Variants in MAP2 observed in about 807,000 individuals in gnomAD.
MAP2 encodes microtubule-associated protein 2.
Under a neutral mutation model 137.6 loss-of-function variants are expected in MAP2, and 14 were observed. The observed-to-expected ratio is 0.10, with a 90% confidence interval of 0.07 to 0.16. The LOEUF (loss-of-function observed/expected upper bound fraction) is 0.16, where lower values mean the gene tolerates loss of function less well. Ranked by LOEUF, MAP2 falls within the 10% of genes least tolerant of loss-of-function variation. The pLI, the probability that MAP2 is intolerant of heterozygous loss-of-function variation, is 1.00. For missense variants in MAP2, 2,088 were observed against 2,191.5 expected, an observed-to-expected ratio of 0.95 and a Z score of 0.94; for synonymous variants, 786 against 782.3, an observed-to-expected ratio of 1.00 and a Z score of -0.08.
rs114931532 is a variant in MAP2 at position 209,582,424 on chromosome 2, G to A, written c.-107+2324G>A. Among the ~76,000 whole-genome samples the A allele has an allele frequency of 1.8e-3, 273 of 152,128 alleles. 1 individual carries two copies. The highest frequency in any genetic ancestry group is 6.1e-3 in the African/African-American group (252 of 41,510). ...TGTCCCCTTTCACTTTCATCAGCTG[G>A]GGGAAATATGCCAAACTGCAGCCTG... On this transcript the variant is annotated intron_variant, in intron 3 of 15. Transcript: ENST00000682079.
intron 5 of MAP2, among the ~76,000 whole-genome samples, chr2:209,658,994 A>G (rs548448282): frequency 2.0e-4 from 31 of 152,310 alleles, no homozygotes; most frequent in Admixed American, 6.5e-4. Context: ...CCATGAGGAT[A>G]TCTGTCATTA....
At chr2:209,586,057 G>A (rs12475254) in intron 3 of MAP2, among the ~76,000 whole-genome samples, 35,000 of 151,996 alleles carry the variant, frequency 0.23, 4,997 homozygotes, top group Admixed American at 0.36. Context: ...TAGTCAAATC[G>A]TGGAGACACA....
rs751339884 is a variant in MAP2, at chr2:209,490,799, A to G, written c.-221-16793A>G. On this transcript the variant is annotated intron_variant, in intron 1 of 15. Transcript: ENST00000682079. The stretch of plus-strand genomic sequence containing the variant: ...AATACAGGAGCACTCAGATTTATAA[A>G]GCAGGTTCTTAGAGACCTACAAAGA... 1.4e-4 allele frequency among the ~76,000 whole-genome samples: 22 copies of G among 152,206 alleles called. No homozygotes were observed. The South Asian group carries it at 1.7e-3, about 11-fold the overall frequency.
intron 7 of MAP2, among the ~76,000 whole-genome samples, chr2:209,687,591 C>G (rs895138977): frequency 6.6e-6 from 1 of 152,136 alleles, no homozygotes; most frequent in African/African-American, 2.4e-5. Context: ...TTGCTAATTT[C>G]CCTTCATCCT....
At chr2:209,627,109 AT>A (rs2092435392) in intron 4 of MAP2, among the ~76,000 whole-genome samples, 1 of 152,152 alleles carries the variant, frequency 6.6e-6, no homozygotes, top group Admixed American at 6.6e-5. Context: ...TTCCCTATAC[AT>A]GAAACACTTA....
chr2:209,700,283 G>T lies in MAP2; in HGVS notation c.4529G>T (p.Gly1510Val), dbSNP rs569403800. 1.2e-6 allele frequency: 2 copies of T among 1,613,274 alleles called. No individual in the cohort carries two copies. Among genetic ancestry groups the T allele is most frequent in the Non-Finnish European group, 1.7e-6 (2 of 1,179,452 alleles). Residue 1510 changes from glycine to valine, a missense_variant, in exon 11 of 16, where the codon GGT becomes GTT. Physicochemically the swap from Gly to Val is moderately radical, Grantham distance 109. Around this residue, in one of 6 missense-constraint regions of MAP2, gnomAD observed 591 missense variants for 642.6 expected, o/e 0.92. Transcript: ENST00000682079. ...TGTCTTTTATTTTCAACAGCAGCAG[G>T]TGGGGAATCAGCTCTGGCTCCCAGT... is the stretch of plus-strand genomic sequence containing the variant. ...SCVKRKTTAAGGESALAPSVF... is the reference protein window; with the variant it reads ...SCVKRKTTAAVGESALAPSVF...
At chr2:209,496,522 G>T (rs967925005) in intron 1 of MAP2, among the ~76,000 whole-genome samples, 2 of 152,026 alleles carry the variant, frequency 1.3e-5, no homozygotes, top group African/African-American at 4.8e-5. Context: ...GTTTTGTTTG[G>T]ATACTGAGTT....
intron 1 of MAP2, among the ~76,000 whole-genome samples, chr2:209,472,123 G>A (rs555466284): frequency 1.8e-4 from 28 of 152,170 alleles, no homozygotes; most frequent in Admixed American, 7.2e-4. Context: ...GGTTTACAAC[G>A]TGATGCTATG....
At chr2:209,607,765 C>T (rs963595970) in intron 3 of MAP2, among the ~76,000 whole-genome samples, 1 of 152,202 alleles carries the variant, frequency 6.6e-6, no homozygotes, top group African/African-American at 2.4e-5. Flanking sequence ...CTGCCTACCC[C>T]ACTGGTGTGC....
intron 13 of MAP2, among the ~76,000 whole-genome samples, chr2:209,722,960 A>T (rs1001195116): frequency 2.6e-5 from 4 of 152,356 alleles, no homozygotes; most frequent in African/African-American, 9.6e-5. Flanking sequence ...AGCAATTGCC[A>T]GAAAGGGGCC....
At chr2:209,584,097 A>T (rs558663195) in intron 3 of MAP2, among the ~76,000 whole-genome samples, 24 of 152,254 alleles carry the variant, frequency 1.6e-4, no homozygotes, top group African/African-American at 5.3e-4. Flanking sequence ...TGCAAAGGAC[A>T]TGATTTCATT....
intron 5 of MAP2, among the ~76,000 whole-genome samples, chr2:209,672,002 G>A (rs552297126): frequency 2.2e-4 from 33 of 151,988 alleles, no homozygotes; most frequent in Non-Finnish European, 3.7e-4. Flanking sequence ...AAGCAATATT[G>A]ATAGATAAAT....
chr2:209,626,691 A>T (rs903942684), intron 4 of MAP2, among the ~76,000 whole-genome samples: 10 of 152,194 alleles, frequency 6.6e-5, no homozygotes, highest in Admixed American at 1.3e-4. Context: ...GAAGGGCATC[A>T]CACTGTAGAT....
intron 2 of MAP2, among the ~76,000 whole-genome samples, chr2:209,573,743 A>G (rs1430263287): frequency 6.6e-6 from 1 of 152,082 alleles, no homozygotes; most frequent in East Asian, 1.9e-4. Context: ...CATTTTCATT[A>G]CCCCAGAAAG....
In MAP2 at chr2:209,534,321, G is replaced by T. The variant is rs78757581; in HGVS notation, c.-172+26680G>T. 3.1e-3 allele frequency among the ~76,000 whole-genome samples: 473 copies of T among 152,298 alleles called. 1 individual carries two copies. The highest frequency in any genetic ancestry group is 5.8e-3 in the Non-Finnish European group (396 of 68,024). On this transcript the variant is annotated intron_variant, in intron 2 of 15. Transcript: ENST00000682079. The stretch of plus-strand genomic sequence containing the variant: ...AGAGTTAAGAGAAGTTGATGGTTTT[G>T]CCCAAGGCCACTTGGATAAATAGAG...
At chr2:209,476,219 A>G (rs1707176029) in intron 1 of MAP2, among the ~76,000 whole-genome samples, 1 of 152,106 alleles carries the variant, frequency 6.6e-6, no homozygotes, top group South Asian at 2.1e-4. Context: ...AGTTCTGTCC[A>G]TCTCAAAGTG....
chr2:209,439,323 A>G (rs934043216), intron 1 of MAP2, among the ~76,000 whole-genome samples: 1 of 151,606 alleles, frequency 6.6e-6, no homozygotes, highest in African/African-American at 2.4e-5. Flanking sequence ...ATTAATACCT[A>G]TACTTCTTTG....
At position 209,693,538 on chromosome 2, in the gene MAP2, G is replaced by A. The variant is rs1012241066; in HGVS notation, c.1368G>A (p.Val456=). Residue 456 remains valine (V), a synonymous_variant, in exon 8 of 16, where the codon GTG becomes GTA. Coordinates refer to ENST00000682079, the MANE Select transcript of MAP2 (RefSeq NM_001375505.1). ...EKTTISDKEA[V]PKESKPPKPA... is the part of the protein sequence containing the mutation. ...CCACCATTTCTGACAAAGAAGCTGT[G>A]CCAAAAGAGAGTAAACCCCCAAAAC... The A allele has an allele frequency of 1.2e-6, 2 of 1,611,730 alleles. No homozygotes were observed. The highest frequency in any genetic ancestry group is 1.7e-6 in the Non-Finnish European group (2 of 1,179,504).
At chr2:209,645,013 C>T (rs2094324753) in intron 4 of MAP2, among the ~76,000 whole-genome samples, 2 of 152,186 alleles carry the variant, frequency 1.3e-5, no homozygotes, top group African/African-American at 4.8e-5. Context: ...TTATTTCTTT[C>T]CTTTAAATAG....
Sources: gnomAD v4.1 joint callset for allele counts (sites outside exome capture counted in the v4.1 genomes callset) on GRCh38, gnomAD v4.1.1 for gene constraint, gnomAD v4.1.1 regional missense constraint, MANE v1.5 for transcripts, NCBI Gene and HGNC (gene_info 2026-07-23, HGNC 2026-07-21) for gene names.